Variants in SNX29 observed in about 807,000 individuals in gnomAD.
The protein encoded by SNX29 is sorting nexin 29, also known as sorting nexin-29.
In SNX29, 78 loss-of-function variants were observed where a neutral mutation model predicts 102.1. The ratio of observed to expected loss-of-function variants is 0.76; its 90% CI spans 0.64 to 0.92. The LOEUF (loss-of-function observed/expected upper bound fraction) is 0.92. Among genes scored for constraint, SNX29 ranks in the 40% least tolerant of loss-of-function variants. The pLI is 0.00. For synonymous variants in SNX29, 580 were observed against 414.5 expected (o/e 1.40, Z -4.85); for missense variants, 1,280 against 1,061.7 (o/e 1.21, Z -2.86).
intron 16 of SNX29, among the ~76,000 whole-genome samples, chr16:12,360,991 C>T (rs972108058): frequency 4.6e-5 from 7 of 152,200 alleles, no homozygotes; most frequent in East Asian, 3.8e-4. Context: ...ATTGCAGGAA[C>T]GGGTATGGGA....
intron 3 of SNX29, among the ~76,000 whole-genome samples, chr16:12,025,959 G>A (rs1185183409): frequency 1.3e-5 from 2 of 152,202 alleles, no homozygotes; most frequent in Non-Finnish European, 1.5e-5. Context: ...GTGTAAAATG[G>A]AGATAATAGT....
chr16:12,461,978 AAT>A (rs71139595), intron 18 of SNX29, among the ~76,000 whole-genome samples: 2,193 of 27,340 alleles, frequency 0.08, 126 homozygotes, highest in Admixed American at 0.12. Context: ...AAAAAAAAAA[AAT>A]ATATATATAT....
Position 12,472,565 on chromosome 16 carries a change from A to AG in SNX29, c.2038-5151dup, listed in dbSNP as rs1491293545. ...AAAACAAAAAAAAAAAGAAAAAAAC[A>AG]GGGAGGAAATCTAGGGGATAGTGCT... On this transcript the variant is annotated intron_variant, in intron 18 of 20. Transcript: ENST00000566228. 4.6e-5 allele frequency among the ~76,000 whole-genome samples: 7 copies of AG among 151,522 alleles called. No individual in the cohort carries two copies. In the East Asian group the frequency reaches 1.4e-3, roughly 29 times the overall value.
chr16:12,038,036 C>T (rs1467964868), intron 4 of SNX29, among the ~76,000 whole-genome samples: 2 of 151,884 alleles, frequency 1.3e-5, no homozygotes, highest in Non-Finnish European at 2.9e-5. Context: ...GTTTGGTGCA[C>T]GTGTAGTAGT....
At chr16:12,497,846 T>G (rs2088908251) in intron 19 of SNX29, among the ~76,000 whole-genome samples, 1 of 152,176 alleles carries the variant, frequency 6.6e-6, no homozygotes, top group Non-Finnish European at 1.5e-5. Context: ...GTGGCCTAGC[T>G]TGAGTCTCCT....
At chr16:12,240,368 A>G (rs2078065387) in intron 14 of SNX29, among the ~76,000 whole-genome samples, 1 of 152,028 alleles carries the variant, frequency 6.6e-6, no homozygotes, top group African/African-American at 2.4e-5. Flanking sequence ...GGGTATTGTC[A>G]TTTTAGTTGC....
chr16:12,054,740 G>C (rs1033514863), intron 8 of SNX29, among the ~76,000 whole-genome samples: 1 of 152,068 alleles, frequency 6.6e-6, no homozygotes, highest in Non-Finnish European at 1.5e-5. Context: ...ATATAAACCT[G>C]TATTTGTATC....
intron 20 of SNX29, among the ~76,000 whole-genome samples, chr16:12,543,084 T>C (rs1168517784): frequency 6.6e-6 from 1 of 152,220 alleles, no homozygotes; most frequent in Non-Finnish European, 1.5e-5. Context: ...AAGCATGTTC[T>C]GTCTGGTGGA....
chr16:12,555,996 T>TG (rs2078320118), intron 20 of SNX29, among the ~76,000 whole-genome samples: 3 of 152,186 alleles, frequency 2.0e-5, no homozygotes, highest in Admixed American at 2.0e-4. Flanking sequence ...GTGTTTTTTT[T>TG]GTTCACTTGT....
chr16:12,530,881 C>T (rs769736756), intron 20 of SNX29, among the ~76,000 whole-genome samples: 2 of 152,152 alleles, frequency 1.3e-5, no homozygotes, highest in South Asian at 2.1e-4. Flanking sequence ...ATAAAACTGG[C>T]TCAGTCCTTC....
chr16:12,391,206 G>C (rs138452088), intron 16 of SNX29, among the ~76,000 whole-genome samples: 2 of 152,232 alleles, frequency 1.3e-5, no homozygotes, highest in Admixed American at 1.3e-4. Flanking sequence ...TTGGCCTCCT[G>C]AATTACTGGG....
intron 3 of SNX29, among the ~76,000 whole-genome samples, chr16:12,006,065 G>T (rs1239648729): frequency 6.6e-6 from 1 of 152,016 alleles, no homozygotes; most frequent in African/African-American, 2.4e-5. Context: ...TAGGCCAGGC[G>T]CTGTGGCTCA....
intron 20 of SNX29, among the ~76,000 whole-genome samples, chr16:12,564,056 G>A (rs1376658779): frequency 9.4e-6 from 1 of 106,842 alleles, no homozygotes; most frequent in Admixed American, 9.5e-5. Context: ...TTGTGGTTTG[G>A]CAACGATGCT....
chr16:12,272,233 C>CCTATA (rs1229627018), intron 14 of SNX29, among the ~76,000 whole-genome samples: 3 of 151,672 alleles, frequency 2.0e-5, no homozygotes, highest in African/African-American at 7.3e-5. Flanking sequence ...GGGCTGGTGC[C>CCTATA]TTGGGGACGG....
At chr16:12,128,779 G>A (rs190231725) in intron 12 of SNX29, among the ~76,000 whole-genome samples, 3 of 152,180 alleles carry the variant, frequency 2.0e-5, no homozygotes, top group East Asian at 3.9e-4. Flanking sequence ...CTGATGTCAC[G>A]TGGCAAGTGT....
chr16:12,453,620 G>A (rs1008217989), intron 18 of SNX29, among the ~76,000 whole-genome samples: 1 of 151,968 alleles, frequency 6.6e-6, no homozygotes, highest in Non-Finnish European at 1.5e-5. Context: ...GTCTCAAGCA[G>A]TCCTTGTGCC....
intron 15 of SNX29, among the ~76,000 whole-genome samples, chr16:12,327,517 G>C (rs894762269): frequency 6.6e-6 from 1 of 152,244 alleles, no homozygotes; most frequent in Admixed American, 6.5e-5. Flanking sequence ...ACTCTGTCTT[G>C]TCCTTCTAAG....
intron 18 of SNX29, among the ~76,000 whole-genome samples, chr16:12,469,269 A>G (rs1597491312): frequency 6.6e-6 from 1 of 152,238 alleles, no homozygotes; most frequent in Non-Finnish European, 1.5e-5. Context: ...TTTGGCTGCA[A>G]TAATATCCGT....
intron 18 of SNX29, among the ~76,000 whole-genome samples, chr16:12,455,419 C>T (rs1220039645): frequency 2.0e-5 from 3 of 152,178 alleles, no homozygotes; most frequent in East Asian, 3.9e-4. Context: ...CAGCACCCGC[C>T]GTGGCTGTAA....
Sources: gnomAD v4.1 joint callset for allele counts (sites outside exome capture counted in the v4.1 genomes callset) on GRCh38, gnomAD v4.1.1 for gene constraint, MANE v1.5 for transcripts, NCBI Gene and HGNC (gene_info 2026-07-23, HGNC 2026-07-21) for gene names.